Variants in STPG2 observed in about 807,000 individuals in gnomAD.
The protein encoded by STPG2 is sperm tail PG-rich repeat containing 2.
A neutral mutation model predicts 54.2 loss-of-function variants in STPG2; 56 were observed. The observed-to-expected ratio is 1.03, with a 90% CI of 0.83 to 1.29. The LOEUF is 1.29. Ranked by LOEUF, STPG2 falls within the 50% of genes most tolerant of loss-of-function variation. STPG2 has a pLI of 0.00. For synonymous variants in STPG2, 200 were observed against 181.8 expected (o/e 1.10, Z -0.81); for missense variants, 596 against 544.9 (o/e 1.09, Z -0.93).
At chr4:97,601,709 T>C (rs989086928) in intron 10 of STPG2, among the ~76,000 whole-genome samples, 5 of 151,974 alleles carry the variant, frequency 3.3e-5, no homozygotes, top group Non-Finnish European at 7.4e-5. Context: ...ATCTCACTGA[T>C]TGAATTACTA....
chr4:97,985,885 C>T (rs1473295015), intron 5 of STPG2, among the ~76,000 whole-genome samples: 1 of 151,912 alleles, frequency 6.6e-6, no homozygotes, highest in African/African-American at 2.4e-5. Context: ...TTTAAAAAAT[C>T]AAGGGTACAC....
At chr4:97,732,125 G>A (rs1035508952) in intron 9 of STPG2, among the ~76,000 whole-genome samples, 1 of 152,138 alleles carries the variant, frequency 6.6e-6, no homozygotes, top group African/African-American at 2.4e-5. Flanking sequence ...GAGCTGCTCA[G>A]AGCAAGATGG....
chr4:97,721,850 T>C (rs571649007), intron 9 of STPG2, among the ~76,000 whole-genome samples: 2 of 152,134 alleles, frequency 1.3e-5, no homozygotes, highest in South Asian at 4.2e-4. Flanking sequence ...AGAGTAAACA[T>C]TTAAACAACC....
At chr4:97,774,180 C>T (rs1026507164) in intron 9 of STPG2, among the ~76,000 whole-genome samples, 4 of 152,092 alleles carry the variant, frequency 2.6e-5, no homozygotes, top group African/African-American at 4.8e-5. Context: ...TATTCTATTA[C>T]GTATGATATA....
At chr4:98,078,296 CTT>C (rs1382416879) in intron 5 of STPG2, among the ~76,000 whole-genome samples, 1 of 151,938 alleles carries the variant, frequency 6.6e-6, no homozygotes, top group Non-Finnish European at 1.5e-5. Context: ...TTCTTGGAAA[CTT>C]ATATGAAAAA....
intron 5 of STPG2, among the ~76,000 whole-genome samples, chr4:98,059,291 G>A (rs998032570): frequency 6.6e-6 from 1 of 151,844 alleles, no homozygotes; most frequent in African/African-American, 2.4e-5. Context: ...CAAGACTGGA[G>A]AGAGGGTGAA....
At chr4:97,821,803 T>G (rs2149105202) in intron 9 of STPG2, among the ~76,000 whole-genome samples, 1 of 152,354 alleles carries the variant, frequency 6.6e-6, no homozygotes, top group South Asian at 2.1e-4. Flanking sequence ...AGGCTTGGTC[T>G]GAGTGGCCTG....
intron 10 of STPG2, 152 bp from the exon 11 acceptor site, chr4:97,559,269 G>T: frequency 1.8e-6 from 1 of 557,484 alleles, no homozygotes; most frequent in Non-Finnish European, 3.1e-6. Context: ...CATCGATAGA[G>T]CTTGTTTTAT....
intron 8 of STPG2, among the ~76,000 whole-genome samples, chr4:97,896,031 T>C (rs1730941081): frequency 6.6e-6 from 1 of 151,846 alleles, no homozygotes; most frequent in African/African-American, 2.4e-5. Flanking sequence ...CATTTTTCTC[T>C]GAGTCTGTAA....
At chr4:97,808,127 T>C (rs1727627130) in intron 9 of STPG2, among the ~76,000 whole-genome samples, 1 of 151,830 alleles carries the variant, frequency 6.6e-6, no homozygotes, top group African/African-American at 2.4e-5. Flanking sequence ...ACTAAAAGAC[T>C]AAAGAGTATA....
At chr4:97,896,390 C>T (rs1730954098) in intron 8 of STPG2, among the ~76,000 whole-genome samples, 1 of 151,680 alleles carries the variant, frequency 6.6e-6, no homozygotes, top group African/African-American at 2.4e-5. Context: ...ACTTAGAACA[C>T]AAATGGAAAA....
At chr4:97,489,322 A>G (rs1730447299) in intron 4 of STPG2, among the ~76,000 whole-genome samples, 1 of 151,762 alleles carries the variant, frequency 6.6e-6, no homozygotes, top group African/African-American at 2.4e-5. Context: ...ACAGAGAGAC[A>G]GATAAATCGA....
intron 5 of STPG2, among the ~76,000 whole-genome samples, chr4:98,006,771 ACT>A (rs1307127368): frequency 6.6e-6 from 1 of 152,078 alleles, no homozygotes; most frequent in African/African-American, 2.4e-5. Flanking sequence ...ACTGTGTATG[ACT>A]CTACTGAGCT....
At position 97,712,790 on chromosome 4, in the gene STPG2, A is replaced by T. The variant is rs1724166504; in HGVS notation, c.1229T>A (p.Leu410Ter). 6.2e-7 allele frequency: 1 copy of T among 1,607,818 alleles called. No individual in the cohort carries two copies. Among genetic ancestry groups the T allele is most frequent in the Admixed American group, 1.7e-5 (1 of 59,604 alleles). ...GPGPAAYNPVLRKSCPIPLFV... is the reference protein window; with the variant it reads ...GPGPAAYNPV Reference sequence around the variant, plus strand: ...TAAGGGTATGGGGCAAGATTTCCTTAAAACAGGATTGTATGCTGCAGGACC... The same window carrying T: ...TAAGGGTATGGGGCAAGATTTCCTTTAAACAGGATTGTATGCTGCAGGACC... Residue 410 changes from leucine (L) to a stop codon, truncating the protein, a stop_gained, in exon 10 of 11, where the codon TTA (leucine) becomes TAA (stop). Coordinates refer to ENST00000295268, the MANE Select transcript of STPG2 (RefSeq NM_174952.3). LOFTEE classifies it high-confidence loss of function.
chr4:98,130,941 AAAAAAAAAAC>A lies in STPG2; in HGVS notation c.223-2359_223-2350del, dbSNP rs1432808618. Among the ~76,000 whole-genome samples the A allele has an allele frequency of 1.7e-3, 201 of 120,778 alleles. 7 individuals carry two copies. Among genetic ancestry groups the A allele is most frequent in the Admixed American group, 3.2e-3 (41 of 12,866 alleles). The allele number at this position is 120,778 out of a possible 152,430, so 79.2% of individuals were successfully genotyped here. On this transcript the variant is annotated intron_variant, in intron 2 of 10. Transcript: ENST00000295268. ...CGTCTCAAAAAAAAAAAAAAAAAAC[AAAAAAAAAAC>A]GACTTTCCAAAATATAGCCCCTACC... is the stretch of plus-strand genomic sequence containing the variant.
chr4:97,616,222 G>A (rs1332902281), intron 10 of STPG2, among the ~76,000 whole-genome samples: 1 of 150,616 alleles, frequency 6.6e-6, no homozygotes, highest in African/African-American at 2.4e-5. Context: ...AAGTCATGAT[G>A]ATTAAAATAT....
intron 10 of STPG2, among the ~76,000 whole-genome samples, chr4:97,622,920 C>T (rs1171986919): frequency 6.6e-6 from 1 of 152,028 alleles, no homozygotes; most frequent in African/African-American, 2.4e-5. Context: ...CAAAACCAGA[C>T]ACATAGACAA....
At chr4:98,006,966 T>C (rs1735596428) in intron 5 of STPG2, among the ~76,000 whole-genome samples, 1 of 152,112 alleles carries the variant, frequency 6.6e-6, no homozygotes, top group South Asian at 2.1e-4. Context: ...TCTCCAGGCA[T>C]CTGGCAACTG....
intron 5 of STPG2, among the ~76,000 whole-genome samples, chr4:98,029,222 T>A (rs1045569671): frequency 3.9e-5 from 6 of 152,164 alleles, no homozygotes; most frequent in Non-Finnish European, 5.9e-5. Flanking sequence ...AATAGTCCTG[T>A]TCAATCTTCT....
Sources: gnomAD v4.1 joint callset for allele counts (sites outside exome capture counted in the v4.1 genomes callset) on GRCh38, gnomAD v4.1.1 for gene constraint, MANE v1.5 for transcripts, NCBI Gene and HGNC (gene_info 2026-07-23, HGNC 2026-07-21) for gene names.